Variants in TBC1D14 observed in about 807,000 individuals in gnomAD.
TBC1D14 encodes the protein TBC1 domain family member 14, also known as TBC1 domain family, member 14.
TBC1D14 carries 26 observed loss-of-function variants against 79.0 expected under a neutral mutation model. The observed-to-expected ratio is 0.33, with a 90% CI of 0.24 to 0.46. The LOEUF is 0.46. TBC1D14 is among the 20% of genes least tolerant of loss of function. The pLI is 1.00. For synonymous variants in TBC1D14, 394 were observed against 349.9 expected (o/e 1.13, Z -1.40); for missense variants, 769 against 887.6 (o/e 0.87, Z 1.70).
chr4:6,928,581 C>G (rs571274525), intron 2 of TBC1D14, among the ~76,000 whole-genome samples: 1 of 152,180 alleles, frequency 6.6e-6, no homozygotes, highest in South Asian at 2.1e-4. Flanking sequence ...GCCTGTAATC[C>G]CAGCACTTTG....
At chr4:6,978,137 C>T (rs1255844164) in intron 3 of TBC1D14, among the ~76,000 whole-genome samples, 11 of 149,008 alleles carry the variant, frequency 7.4e-5, no homozygotes, top group East Asian at 2.0e-4. Flanking sequence ...GCCCCCCGCC[C>T]GGCTAGCCGC....
At chr4:6,983,104 C>T (rs1024837219) in intron 3 of TBC1D14, among the ~76,000 whole-genome samples, 1 of 151,968 alleles carries the variant, frequency 6.6e-6, no homozygotes, top group African/African-American at 2.4e-5. Context: ...CTCACTGCAA[C>T]CTCTGCCTCC....
chr4:7,007,686 C>T, intron 9 of TBC1D14: 3 of 1,094,142 alleles, frequency 2.7e-6, no homozygotes, highest in Non-Finnish European at 3.7e-6. Flanking sequence ...AGCTGGGAGC[C>T]TGTTTCCTGG....
Position 7,014,544 on chromosome 4 carries a change from T to C in TBC1D14, c.1744T>C (p.Tyr582His). 1 of 1,608,220 alleles carries C rather than the reference T, an allele frequency of 6.2e-7. No homozygotes were observed. Residue 582 changes from tyrosine to histidine, a missense_variant, in exon 12 of 14, where the codon TAC becomes CAC. Transcript: ENST00000409757. The stretch of plus-strand genomic sequence containing the variant: ...GAAGAACAACCTAACTCCAGATATC[T>C]ACCTAATTGATTGGTAAGACTGGCT... ...FKKNNLTPDI[Y>H]LIDWIFTLYS...
chr4:6,998,990 C>T (rs2109187073), intron 5 of TBC1D14, 95 bp from the exon 6 acceptor site: 2 of 1,233,712 alleles, frequency 1.6e-6, no homozygotes, highest in Admixed American at 1.9e-5. Flanking sequence ...GGGCGGTTTT[C>T]CTGGTGTGTT....
At chr4:6,972,485 C>T (rs927526604) in intron 3 of TBC1D14, among the ~76,000 whole-genome samples, 8 of 152,182 alleles carry the variant, frequency 5.3e-5, no homozygotes, top group Admixed American at 2.0e-4. Flanking sequence ...CCCACCTTTT[C>T]GGTTTCCTTT....
At chr4:7,007,380 G>C (rs1720307751) in intron 9 of TBC1D14, 1 of 411,284 alleles carries the variant, frequency 2.4e-6, no homozygotes, top group Non-Finnish European at 4.4e-6. Context: ...ACTCTTTAAA[G>C]ACCTTCTATT....
intron 1 of TBC1D14, chr4:6,910,423 C>T (rs1408104965): frequency 6.6e-6 from 1 of 152,618 alleles, no homozygotes; most frequent in Non-Finnish European, 1.5e-5. Flanking sequence ...CCCTGGAGCC[C>T]CTGACCCGCG....
At chr4:6,911,085 C>T (rs925218560) in intron 1 of TBC1D14, among the ~76,000 whole-genome samples, 1 of 152,194 alleles carries the variant, frequency 6.6e-6, no homozygotes, top group Non-Finnish European at 1.5e-5. Context: ...GTCCTTACAG[C>T]AGTCTTAGAA....
chr4:7,009,772 T>C (rs1720558031), intron 9 of TBC1D14, 105 bp from the exon 10 acceptor site: 1 of 1,134,588 alleles, frequency 8.8e-7, no homozygotes, highest in Non-Finnish European at 1.3e-6. Flanking sequence ...TTCATAATGC[T>C]GAAAATAGCA....
At chr4:6,994,864 C>CAAA (rs34072749) in intron 4 of TBC1D14, among the ~76,000 whole-genome samples, 1 of 105,314 alleles carries the variant, frequency 9.5e-6, no homozygotes, top group Admixed American at 1.0e-4. Flanking sequence ...AACTCCGTCT[C>CAAA]AAAAAAAAAA....
At chr4:6,959,562 C>T (rs1190083189) in intron 2 of TBC1D14, among the ~76,000 whole-genome samples, 2 of 152,146 alleles carry the variant, frequency 1.3e-5, no homozygotes, top group Non-Finnish European at 1.5e-5. Context: ...GGCAGGGGTT[C>T]GTGCAGAGCT....
At chr4:6,987,219 G>C in intron 3 of TBC1D14, 1 of 1,240,614 alleles carries the variant, frequency 8.1e-7, no homozygotes, top group Non-Finnish European at 1.0e-6. Flanking sequence ...GCCCCGCCCC[G>C]CCCCGCGAGT....
intron 2 of TBC1D14, among the ~76,000 whole-genome samples, chr4:6,925,435 C>A (rs970427206): frequency 6.6e-6 from 1 of 152,150 alleles, no homozygotes; most frequent in Non-Finnish European, 1.5e-5. Flanking sequence ...CCGGGTGTCC[C>A]TTTGAGATGG....
In TBC1D14 at chr4:6,994,113, C is replaced by T. The variant is rs2109155382; in HGVS notation, c.844-71C>T. On this transcript the variant is annotated intron_variant, in intron 3 of 13. Transcript: ENST00000409757. ...TTAAAAGAGTTTCATGACAAAACAA[C>T]TTTCTTACTTTCCGAAGGACTTCAT... 2.6e-5 allele frequency: 34 copies of T among 1,329,924 alleles called. 1 individual carries two copies. In the South Asian group the frequency reaches 3.1e-4, roughly 12 times the overall value. The allele number at this position is 1,329,924 out of a possible 1,614,324, so 82.4% of individuals were successfully genotyped here.
intron 9 of TBC1D14, 39 bp from the exon 10 acceptor site, chr4:7,009,838 C>T (rs779262271): frequency 6.2e-7 from 1 of 1,603,552 alleles, no homozygotes; most frequent in Admixed American, 1.7e-5. Flanking sequence ...ACTAACAGTA[C>T]TCATGCATGT....
intron 1 of TBC1D14, among the ~76,000 whole-genome samples, chr4:6,913,502 C>G (rs1467089557): frequency 1.3e-5 from 2 of 152,178 alleles, no homozygotes; most frequent in African/African-American, 2.4e-5. Flanking sequence ...GATGTCAGAT[C>G]TGGTTTGAAC....
intron 2 of TBC1D14, among the ~76,000 whole-genome samples, chr4:6,959,032 T>C (rs920331679): frequency 1.2e-4 from 18 of 152,164 alleles, no homozygotes; most frequent in African/African-American, 1.9e-4. Flanking sequence ...TACAGGCGCC[T>C]GCCACTACGC....
At chr4:6,932,084 G>A (rs1446917044) in intron 2 of TBC1D14, among the ~76,000 whole-genome samples, 1 of 152,264 alleles carries the variant, frequency 6.6e-6, no homozygotes, top group South Asian at 2.1e-4. Flanking sequence ...AAGGTGGCCA[G>A]GCGGGTGGCT....
Sources: gnomAD v4.1 joint callset for allele counts (sites outside exome capture counted in the v4.1 genomes callset) on GRCh38, gnomAD v4.1.1 for gene constraint, MANE v1.5 for transcripts, NCBI Gene and HGNC (gene_info 2026-07-23, HGNC 2026-07-21) for gene names.